The following TFEC variants were observed in gnomAD, a reference collection of about 807,000 sequenced individuals.
TFEC encodes class E basic helix-loop-helix protein 34.
A neutral mutation model predicts 41.6 loss-of-function variants in TFEC; 31 were observed. The ratio of observed to expected loss-of-function variants is 0.74; its 90% CI spans 0.56 to 1.01. The LOEUF is 1.01. Among genes scored for constraint, TFEC ranks in the 50% least tolerant of loss-of-function variants. TFEC has a pLI of 0.00. For missense variants in TFEC, 402 were observed against 404.1 expected (o/e 0.99, Z 0.04); for synonymous variants, 143 against 140.6 (o/e 1.02, Z -0.12).
At chr7:115,990,851 C>A (rs1188060151) in intron 1 of TFEC, among the ~76,000 whole-genome samples, 1 of 152,032 alleles carries the variant, frequency 6.6e-6, no homozygotes, top group African/African-American at 2.4e-5. Context: ...GCAAGGCAGG[C>A]CAACATTCAA....
chr7:115,995,064 G>T (rs1367183688), intron 1 of TFEC, among the ~76,000 whole-genome samples: 3 of 151,956 alleles, frequency 2.0e-5, no homozygotes, highest in Admixed American at 2.0e-4. Context: ...GGATGAAGCT[G>T]GAAACCATCA....
At chr7:115,974,451 A>ATATATAT (rs869072558) in intron 2 of TFEC, among the ~76,000 whole-genome samples, 195 bp from the exon 3 acceptor site, 920 of 25,860 alleles carry the variant, frequency 0.036, 18 homozygotes, top group Non-Finnish European at 0.041. Context: ...TATATATATA[A>ATATATAT]AAACACAGAT....
chr7:116,015,106 T>C (rs1795140016), intron 1 of TFEC, among the ~76,000 whole-genome samples: 1 of 149,412 alleles, frequency 6.7e-6, no homozygotes, highest in East Asian at 1.9e-4. Context: ...ATTATATTTA[T>C]AATATAATTA....
chr7:116,153,427 G>A (rs1381404732), intron 1 of TFEC, among the ~76,000 whole-genome samples: 2 of 152,076 alleles, frequency 1.3e-5, no homozygotes, highest in Admixed American at 1.3e-4. Flanking sequence ...GCTAATTTTT[G>A]TATTTTTAGT....
At chr7:116,038,055 G>A (rs1169135244) in intron 3 of TFEC, among the ~76,000 whole-genome samples, 1 of 151,976 alleles carries the variant, frequency 6.6e-6, no homozygotes, top group Non-Finnish European at 1.5e-5. Context: ...TGAGAAATGG[G>A]TAAAATCAAT....
At chr7:116,120,300 T>A (rs1302917627) in intron 1 of TFEC, 1 of 151,986 alleles carries the variant, frequency 6.6e-6, no homozygotes, top group Non-Finnish European at 1.5e-5. Context: ...CTCCTTTCTC[T>A]CCATGGAATT....
intron 3 of TFEC, among the ~76,000 whole-genome samples, chr7:116,062,455 T>C (rs1198216197): frequency 6.7e-6 from 1 of 149,510 alleles, no homozygotes; most frequent in Non-Finnish European, 1.5e-5. Context: ...ATATGATGTT[T>C]GGTATTCCAT....
In TFEC at chr7:116,159,035, T is replaced by G. The variant is rs145197498; in HGVS notation, c.-69+755A>C. 4.2e-3 allele frequency among the ~76,000 whole-genome samples: 642 copies of G among 152,006 alleles called. 1 individual carries two copies. The highest frequency in any genetic ancestry group is 0.015 in the African/African-American group (610 of 41,564). On this transcript the variant is annotated intron_variant, in intron 1 of 8. Transcript: ENST00000484212. ...TTGAATAACTTGTGTTTTATACCATTCATATATAGTTCAACTGACTCACAG... is the reference window on the plus strand; with the variant it reads ...TTGAATAACTTGTGTTTTATACCATGCATATATAGTTCAACTGACTCACAG...
chr7:116,075,550 G>A (rs2131037291), intron 3 of TFEC, among the ~76,000 whole-genome samples: 1 of 152,288 alleles, frequency 6.6e-6, no homozygotes, highest in South Asian at 2.1e-4. Flanking sequence ...GGCACAGTGG[G>A]AGTGAGACCA....
chr7:115,970,993 G>C lies in TFEC; in HGVS notation c.267+3177C>G, dbSNP rs574327559. Among the ~76,000 whole-genome samples, 11 of 152,094 alleles carry C rather than the reference G, an allele frequency of 7.2e-5. No homozygotes were observed. In the South Asian group the frequency reaches 2.3e-3, roughly 32 times the overall value. ...CGCAGACAACCCATGTCATATAGTA[G>C]GTAAACATAATAATAATTATTGGTA... On this transcript the variant is annotated intron_variant, in intron 3 of 7. Transcript: ENST00000265440.
exon 3 of TFEC, chr7:116,110,802 T>G: frequency 6.5e-7 from 1 of 1,548,378 alleles, no homozygotes; most frequent in African/African-American, 1.4e-5. Context: ...CATGTGGAAC[T>G]CTGTTCTATG....
chr7:116,097,004 C>T (rs1470485967), intron 3 of TFEC, among the ~76,000 whole-genome samples: 3 of 151,608 alleles, frequency 2.0e-5, no homozygotes, highest in Admixed American at 6.6e-5. Context: ...GCAGGAGAAT[C>T]GCTCGAACCA....
intron 1 of TFEC, among the ~76,000 whole-genome samples, chr7:116,016,792 G>A (rs1427883617): frequency 6.6e-6 from 1 of 151,356 alleles, no homozygotes; most frequent in Non-Finnish European, 1.5e-5. Context: ...CTTTATATAC[G>A]ATATACTATC....
At chr7:116,139,163 C>G (rs977245023) in intron 1 of TFEC, among the ~76,000 whole-genome samples, 3 of 152,214 alleles carry the variant, frequency 2.0e-5, no homozygotes, top group Non-Finnish European at 4.4e-5. Flanking sequence ...ACTCAGGCAG[C>G]ATGTTTCTGC....
intron 1 of TFEC, among the ~76,000 whole-genome samples, chr7:116,003,657 G>A (rs1211989387): frequency 6.6e-6 from 1 of 151,988 alleles, no homozygotes; most frequent in African/African-American, 2.4e-5. Flanking sequence ...ATATATAATA[G>A]ACTATTTACC....
chr7:115,990,882 G>T (rs569244545), intron 1 of TFEC, among the ~76,000 whole-genome samples: 1 of 152,162 alleles, frequency 6.6e-6, no homozygotes, highest in South Asian at 2.1e-4. Context: ...TGCAGAGAAC[G>T]CCACAAAGAT....
chr7:116,094,648 C>T (rs1797408600), intron 3 of TFEC, among the ~76,000 whole-genome samples: 1 of 152,086 alleles, frequency 6.6e-6, no homozygotes, highest in African/African-American at 2.4e-5. Flanking sequence ...CCACTGCACT[C>T]CCGCCTGGGT....
intron 3 of TFEC, among the ~76,000 whole-genome samples, chr7:116,060,692 G>C (rs954312308): frequency 6.6e-6 from 1 of 152,008 alleles, no homozygotes; most frequent in East Asian, 1.9e-4. Context: ...GGAAAGAACA[G>C]ACCCTGGGGT....
intron 1 of TFEC, among the ~76,000 whole-genome samples, chr7:116,114,604 C>G (rs970062515): frequency 1.3e-5 from 2 of 151,920 alleles, no homozygotes; most frequent in African/African-American, 4.8e-5. Context: ...TCTGCACACT[C>G]CCATCCTACA....
Sources: allele counts gnomAD v4.1 joint callset (sites outside exome capture counted in the v4.1 genomes callset), GRCh38; gene constraint gnomAD v4.1.1; transcripts MANE v1.5; gene names NCBI Gene and HGNC (gene_info 2026-07-23, HGNC 2026-07-21).